IGSF11: variants seen among roughly 807,000 people sequenced by gnomAD.
IGSF11 encodes CXADR like 1.
A neutral mutation model predicts 41.0 loss-of-function variants in IGSF11; 22 were observed. The observed-to-expected ratio is 0.54, with a 90% CI of 0.38 to 0.77. The LOEUF (loss-of-function observed/expected upper bound fraction) is 0.77. Among genes scored for constraint, IGSF11 ranks in the 30% least tolerant of loss-of-function variants. The probability of loss-of-function intolerance (pLI) is 0.00; values close to 1 mark genes in which losing one functional copy is unlikely to be tolerated. For missense variants in IGSF11, 444 were observed against 530.8 expected (o/e 0.84, Z 1.61); for synonymous variants, 219 against 201.3 (o/e 1.09, Z -0.74).
chr3:118,902,579 G>A lies in IGSF11; in HGVS notation c.1237C>T (p.Arg413Ter), dbSNP rs756311802. 10 of 1,613,642 alleles carry A rather than the reference G, an allele frequency of 6.2e-6. No individual in the cohort carries two copies. The highest frequency in any genetic ancestry group is 4.5e-5 in the East Asian group (2 of 44,824). ...ACCATGACAGGTACTGCACCAATTCGTTCCAGTGTTGCGTGGCTGATGGTG... is the reference window on the plus strand; with the variant it reads ...ACCATGACAGGTACTGCACCAATTCATTCCAGTGTTGCGTGGCTGATGGTG... ...SYTISHATLE[R>*]IGAVPVMVPA... The change falls in exon 7 of 7, where the codon CGA becomes TGA. Residue 413 changes from arginine to a stop codon, truncating the protein, a stop_gained. Transcript: ENST00000393775. LOFTEE classifies it high-confidence loss of function.
chr3:118,999,755 A>G (rs189266494), intron 1 of IGSF11, among the ~76,000 whole-genome samples: 3 of 152,228 alleles, frequency 2.0e-5, no homozygotes, highest in East Asian at 3.8e-4. Flanking sequence ...TTTAAAATCC[A>G]TATCTTATTC....
rs372769085 is a variant in IGSF11 at position 119,017,434 on chromosome 3, C to T, written c.52+17097G>A. On this transcript the variant is annotated intron_variant, in intron 1 of 6. Transcript: ENST00000393775. Reference sequence around the variant, plus strand: ...ACACAGAAAAGGTACAGAGAATATACGGTGTTATAATCTTATAGGACCACA... The same window carrying T: ...ACACAGAAAAGGTACAGAGAATATATGGTGTTATAATCTTATAGGACCACA... Among the ~76,000 whole-genome samples, 77 of 152,180 alleles carry T rather than the reference C, an allele frequency of 5.1e-4. 1 individual carries two copies. The highest frequency in any genetic ancestry group is 1.8e-3 in the African/African-American group (75 of 41,510).
At chr3:119,022,122 T>A (rs1295415100) in intron 1 of IGSF11, among the ~76,000 whole-genome samples, 1 of 152,184 alleles carries the variant, frequency 6.6e-6, no homozygotes, top group East Asian at 1.9e-4. Context: ...TTCTGGTATA[T>A]GCTACAACAT....
chr3:119,045,802 C>T (rs940234443), intron 1 of IGSF11, among the ~76,000 whole-genome samples: 12 of 151,990 alleles, frequency 7.9e-5, no homozygotes, highest in Non-Finnish European at 1.2e-4. Flanking sequence ...GATCTGAGAA[C>T]GGGCAGACTG....
intron 1 of IGSF11, among the ~76,000 whole-genome samples, chr3:119,133,382 G>A (rs2077512173): frequency 1.3e-5 from 2 of 152,138 alleles, no homozygotes; most frequent in South Asian, 2.1e-4. Context: ...AAATGATAAA[G>A]GGGATATTAC....
intron 1 of IGSF11, chr3:118,943,122 G>A (rs1003453204): frequency 6.6e-6 from 1 of 152,300 alleles, no homozygotes; most frequent in Admixed American, 6.5e-5. Flanking sequence ...GCTTGAACAA[G>A]GGGCTCGAAC....
At chr3:118,917,447 T>C (rs1408876039) in intron 4 of IGSF11, among the ~76,000 whole-genome samples, 4 of 146,604 alleles carry the variant, frequency 2.7e-5, no homozygotes, top group Admixed American at 6.8e-5. Context: ...CCCACAGAAA[T>C]ACAAACTACC....
chr3:119,042,421 T>C (rs1209796270), intron 1 of IGSF11, among the ~76,000 whole-genome samples: 2 of 152,196 alleles, frequency 1.3e-5, no homozygotes, highest in African/African-American at 4.8e-5. Flanking sequence ...AAACTCAATA[T>C]GGTTGCTGGG....
chr3:118,923,733 AAC>A (rs746965704), intron 4 of IGSF11, among the ~76,000 whole-genome samples: 2 of 152,202 alleles, frequency 1.3e-5, no homozygotes, highest in African/African-American at 2.4e-5. Context: ...TTTCAATTTG[AAC>A]AGTTTTGCCT....
At chr3:119,109,955 C>T (rs1261815769), upstream of IGSF11, among the ~76,000 whole-genome samples, 2 of 152,140 alleles carry the variant, frequency 1.3e-5, no homozygotes, top group African/African-American at 2.4e-5. Context: ...GTCTGAGAGA[C>T]ACTTTGTTAT....
intron 1 of IGSF11, chr3:119,013,299 C>T (rs1485887162): frequency 1.3e-5 from 2 of 152,246 alleles, no homozygotes; most frequent in African/African-American, 2.4e-5. Flanking sequence ...CCTCTTGGAA[C>T]TTTGGAATAA....
intron 1 of IGSF11, among the ~76,000 whole-genome samples, chr3:118,979,035 G>A (rs867138643): frequency 6.6e-6 from 1 of 151,788 alleles, no homozygotes; most frequent in Non-Finnish European, 1.5e-5. Context: ...ACAATACAAA[G>A]AAATCAGAAA....
At chr3:118,954,072 T>A (rs1319726201) in intron 1 of IGSF11, among the ~76,000 whole-genome samples, 1 of 152,182 alleles carries the variant, frequency 6.6e-6, no homozygotes, top group Non-Finnish European at 1.5e-5. Flanking sequence ...TTGAGTTGAT[T>A]TTTGTATAAG....
intron 1 of IGSF11, among the ~76,000 whole-genome samples, chr3:119,127,313 C>A (rs2077417070): frequency 6.7e-6 from 1 of 148,792 alleles, no homozygotes. Flanking sequence ...ATAAGACATG[C>A]AGACAAGAAT....
At chr3:119,097,094 T>C (rs896960481) in intron 1 of IGSF11, among the ~76,000 whole-genome samples, 2 of 152,172 alleles carry the variant, frequency 1.3e-5, no homozygotes, top group African/African-American at 4.8e-5. Flanking sequence ...AGTCAGATGG[T>C]TAGTGAACTT....
In IGSF11 at chr3:118,924,903, A is replaced by C. The variant is rs1182617640; in HGVS notation, c.580+1198T>G. Among the ~76,000 whole-genome samples the C allele has an allele frequency of 2.0e-5, 3 of 152,276 alleles. No individual in the cohort carries two copies. The East Asian group carries it at 5.8e-4, about 29-fold the overall frequency. ...TGTTACAGAAACAGTGGAAAATCTA[A>C]AATTTGAATATAGTTTTCAGTATGT... On this transcript the variant is annotated intron_variant, in intron 4 of 6. Transcript: ENST00000393775.
chr3:119,128,400 G>GAA (rs1423117288), intron 1 of IGSF11, among the ~76,000 whole-genome samples: 5 of 151,822 alleles, frequency 3.3e-5, no homozygotes, highest in African/African-American at 1.2e-4. Context: ...GAGAGAGAGA[G>GAA]AAAGGAAGGA....
At chr3:119,019,931 T>C (rs890938156) in intron 1 of IGSF11, among the ~76,000 whole-genome samples, 1 of 152,054 alleles carries the variant, frequency 6.6e-6, no homozygotes, top group African/African-American at 2.4e-5. Flanking sequence ...TGGGAGATGA[T>C]TAGGTCGTGA....
Position 119,105,215 on chromosome 3 carries a change from G to A in IGSF11, c.-23C>T, listed in dbSNP as rs750192586. On this transcript the variant is annotated 5_prime_UTR_variant, in exon 1 of 7. Transcript: ENST00000354673. ...CATTTATTCTTCTTGCCTGAGGAAG[G>A]TGAGAACAGGGGAAGAGAGACTTTA... 3.2e-6 allele frequency: 5 copies of A among 1,550,812 alleles called. No individual in the cohort carries two copies. The South Asian group carries it at 4.5e-5, about 14-fold the overall frequency.
Sources: allele counts gnomAD v4.1 joint callset (sites outside exome capture counted in the v4.1 genomes callset), GRCh38; gene constraint gnomAD v4.1.1; transcripts MANE v1.5; gene names NCBI Gene and HGNC (gene_info 2026-07-23, HGNC 2026-07-21).